PPM1K: variants seen among roughly 807,000 people sequenced by gnomAD.
PPM1K encodes the protein protein phosphatase Mn(2+)-dependent 1K.
PPM1K carries 19 observed loss-of-function variants against 32.6 expected under a neutral mutation model. The observed-to-expected ratio is 0.58, with a 90% CI of 0.41 to 0.86. The LOEUF is 0.86. Ranked by LOEUF, PPM1K falls within the 40% of genes least tolerant of loss-of-function variation. The pLI is 0.00. For synonymous variants in PPM1K, 159 were observed against 165.3 expected (o/e 0.96, Z 0.29); for missense variants, 362 against 461.2 (o/e 0.78, Z 1.97).
chr4:88,277,118 C>A (rs1273395131), intron 3 of PPM1K, 25 bp downstream of exon 3: 1 of 1,567,122 alleles, frequency 6.4e-7, no homozygotes, highest in Non-Finnish European at 8.8e-7. Context: ...CCCTAGGATC[C>A]AAGGAATGTG....
At chr4:88,271,113 GA>G in intron 3 of PPM1K, 1 of 518,632 alleles carries the variant, frequency 1.9e-6, no homozygotes, top group Non-Finnish European at 3.9e-6. Flanking sequence ...AAATTAAGCA[GA>G]TCTCTCTTTC....
At chr4:88,265,902 T>C (rs993985947) in intron 5 of PPM1K, among the ~76,000 whole-genome samples, 2 of 152,200 alleles carry the variant, frequency 1.3e-5, no homozygotes, top group African/African-American at 4.8e-5. Flanking sequence ...TGGTTATGAG[T>C]GCTGTCTCTA....
chr4:88,263,517 C>A (rs1005653419), intron 6 of PPM1K, among the ~76,000 whole-genome samples: 51 of 152,180 alleles, frequency 3.4e-4, no homozygotes, highest in African/African-American at 1.1e-3. Context: ...CGGCTCACTG[C>A]AGCCTTGACC....
In PPM1K at chr4:88,265,130, A is replaced by C. The variant is rs141441221; in HGVS notation, c.858T>G (p.His286Gln). 1.2e-4 allele frequency: 191 copies of C among 1,614,192 alleles called. No homozygotes were observed. The African/African-American group carries it at 2.4e-3, about 20-fold the overall frequency. ...GGACCAGGAAGCTGTCATCAGCATG[A>C]TGTAACTGCAATCAGAACCAAATGC... ...AEPETKRIKL[H>Q]HADDSFLVLT... Residue 286 changes from histidine to glutamine, a missense_variant, in exon 6 of 7, where the codon CAT (histidine) becomes CAG (glutamine). By Grantham distance (24) the His-to-Gln change is conservative (BLOSUM62 0). Transcript: ENST00000608933.
At chr4:88,283,204 A>T (rs1178799297) in intron 1 of PPM1K, among the ~76,000 whole-genome samples, 1 of 152,006 alleles carries the variant, frequency 6.6e-6, no homozygotes, top group African/African-American at 2.4e-5. Context: ...AGCCTCGACC[A>T]CTCAGGATCA....
intron 3 of PPM1K, chr4:88,276,396 T>G: frequency 3.0e-6 from 3 of 985,444 alleles, no homozygotes; most frequent in Non-Finnish European, 3.6e-6. Context: ...TTTTCAGGGT[T>G]AACTTTAACA....
chr4:88,278,685 A>G lies in PPM1K; in HGVS notation c.-59-43T>C. 1.1e-6 allele frequency: 1 copy of G among 907,476 alleles called. No individual in the cohort carries two copies. Among genetic ancestry groups the G allele is most frequent in the Non-Finnish European group, 1.7e-6 (1 of 604,886 alleles). The allele number at this position is 907,476 out of a possible 1,614,324, so 56.2% of individuals were successfully genotyped here. A position where few individuals can be genotyped will look rare whatever the true frequency, so the allele number is the denominator to read the frequency against. On this transcript the variant is annotated intron_variant, in intron 1 of 6. Coordinates refer to ENST00000608933, the MANE Select transcript of PPM1K (RefSeq NM_152542.5). The surrounding 1 kb of genome is among the most constrained non-coding windows in gnomAD (Gnocchi z 4.2). ...CAAGTCACAGGGGACAGAGGGAGAG[A>G]GGGGCAGAGGAGGAGAGGGAGAGAG...
At position 88,268,294 on chromosome 4, in the gene PPM1K, C is replaced by G; in HGVS notation, c.748G>C (p.Gly250Arg). The G allele has an allele frequency of 1.2e-6, 2 of 1,614,034 alleles. No individual in the cohort carries two copies. The highest frequency in any genetic ancestry group is 1.7e-6 in the Non-Finnish European group (2 of 1,179,980). The change falls in exon 5 of 7, where the codon GGG (glycine) becomes CGG (arginine). Residue 250 changes from glycine (G) to arginine (R), a missense_variant. By Grantham distance (125) the Gly-to-Arg change is moderately radical (BLOSUM62 -2). Transcript: ENST00000608933. ...CGGFVAWNSL[G>R]QPHVNGRLAM... Reference sequence around the variant, plus strand: ...AGCCTGCCATTTACGTGAGGCTGCCCCAAACTATTCCAAGCTACAAAACCA... The same window carrying G: ...AGCCTGCCATTTACGTGAGGCTGCCGCAAACTATTCCAAGCTACAAAACCA...
At chr4:88,265,575 A>C (rs965718733) in intron 5 of PPM1K, among the ~76,000 whole-genome samples, 2 of 152,234 alleles carry the variant, frequency 1.3e-5, no homozygotes, top group African/African-American at 4.8e-5. Context: ...CCCAGTCTCA[A>C]GTATATCTTT....
rs1731077658 is a variant in PPM1K, at chr4:88,260,516, C to T, written c.*2079G>A. Reference sequence around the variant, plus strand: ...CTTTAGTTGCCTCCCTTTGGTTCCTCACCTCTCAGACAACAAACAGAATGT... The same window carrying T: ...CTTTAGTTGCCTCCCTTTGGTTCCTTACCTCTCAGACAACAAACAGAATGT... On this transcript the variant is annotated 3_prime_UTR_variant, in exon 7 of 7. Coordinates refer to ENST00000608933, the MANE Select transcript of PPM1K (RefSeq NM_152542.5). 1 of 152,068 alleles carries T rather than the reference C, an allele frequency of 6.6e-6. No individual in the cohort carries two copies. The highest frequency in any genetic ancestry group is 2.1e-4 in the South Asian group (1 of 4,822). 9.4% of individuals were successfully genotyped at this position (152,068 alleles called of 1,614,324 possible). A position where few individuals can be genotyped will look rare whatever the true frequency, so the allele number is the denominator to read the frequency against.
Position 88,260,067 on chromosome 4 carries a change from C to T in PPM1K, c.*2528G>A, listed in dbSNP as rs566112698. 3 of 152,202 alleles carry T rather than the reference C, an allele frequency of 2.0e-5. No individual in the cohort carries two copies. The highest frequency in any genetic ancestry group is 4.4e-5 in the Non-Finnish European group (3 of 67,996). The allele number at this position is 152,202 out of a possible 1,614,324, so 9.4% of individuals were successfully genotyped here. On this transcript the variant is annotated 3_prime_UTR_variant, in exon 7 of 7. Transcript: ENST00000608933. ...CCTGCATATTTGTTTATTTATTTATCTGAGATGGAGTTTTTGCTCTGCTGT... is the reference window on the plus strand; with the variant it reads ...CCTGCATATTTGTTTATTTATTTATTTGAGATGGAGTTTTTGCTCTGCTGT...
chr4:88,267,702 C>T (rs1345775495), intron 5 of PPM1K, among the ~76,000 whole-genome samples: 1 of 152,230 alleles, frequency 6.6e-6, no homozygotes, highest in Non-Finnish European at 1.5e-5. Context: ...CCAGAGAAAT[C>T]TGGGAACAGG....
intron 1 of PPM1K, among the ~76,000 whole-genome samples, chr4:88,282,275 C>G (rs1312577367): frequency 1.3e-5 from 2 of 152,190 alleles, no homozygotes; most frequent in Admixed American, 1.3e-4. Context: ...TTGAGTTAAA[C>G]TGTTCTTGTA....
At position 88,281,956 on chromosome 4, in the gene PPM1K, A is replaced by G. The variant is rs535035103; in HGVS notation, c.-60+2450T>C. Among the ~76,000 whole-genome samples, 32 of 152,284 alleles carry G rather than the reference A, an allele frequency of 2.1e-4. No homozygotes were observed. The South Asian group carries it at 6.6e-3, about 32-fold the overall frequency. ...GGGAGTAGAACTTGTGATGTGAAAA[A>G]CAAAAACCTTAAGGAAAAAAAAAAA... On this transcript the variant is annotated intron_variant, in intron 1 of 6. Coordinates refer to ENST00000608933, the MANE Select transcript of PPM1K (RefSeq NM_152542.5).
chr4:88,274,748 T>C (rs1177653959), intron 3 of PPM1K, among the ~76,000 whole-genome samples: 1 of 152,188 alleles, frequency 6.6e-6, no homozygotes, highest in Non-Finnish European at 1.5e-5. Flanking sequence ...ATCCATAAAC[T>C]GAACAGTTAC....
chr4:88,277,569 T>A, intron 2 of PPM1K: 1 of 229,248 alleles, frequency 4.4e-6, no homozygotes, highest in Non-Finnish European at 8.5e-6. Context: ...CAAGAAATGG[T>A]CACTGGGAAG....
At chr4:88,269,549 C>T (rs1207035204) in intron 3 of PPM1K, among the ~76,000 whole-genome samples, 2 of 152,134 alleles carry the variant, frequency 1.3e-5, no homozygotes, top group African/African-American at 4.8e-5. Context: ...TTTGTCCTCC[C>T]TAGACGTGAA....
intron 4 of PPM1K, 70 bp from the exon 5 acceptor site, chr4:88,268,404 C>G (rs137884075): frequency 1.3e-6 from 2 of 1,553,788 alleles, no homozygotes; most frequent in East Asian, 2.3e-5. Flanking sequence ...GGGCAGATCA[C>G]GAGGTCAGGA....
In PPM1K at chr4:88,262,692, G is replaced by A; in HGVS notation, c.1022C>T (p.Ala341Val). Reference sequence around the variant, plus strand: ...CCAGGCACCAAAAGGCACTACTACTGCAGTACTGTTATCCTCAGTACCGTA... The same window carrying A: ...CCAGGCACCAAAAGGCACTACTACTACAGTACTGTTATCCTCAGTACCGTA... ...IQYGTEDNST[A>V]VVVPFGAWGK... Residue 341 changes from alanine (A) to valine (V), a missense_variant, in exon 7 of 7, where the codon GCA becomes GTA. Ala to Val is a moderately conservative substitution (Grantham distance 64, BLOSUM62 0). Transcript: ENST00000608933. 6.2e-7 allele frequency: 1 copy of A among 1,613,980 alleles called. No individual in the cohort carries two copies. The highest frequency in any genetic ancestry group is 8.5e-7 in the Non-Finnish European group (1 of 1,179,900).
Sources: gnomAD v4.1 joint callset for allele counts (sites outside exome capture counted in the v4.1 genomes callset) on GRCh38, gnomAD v4.1.1 for gene constraint, Gnocchi (gnomAD v3.1) non-coding constraint, MANE v1.5 for transcripts, NCBI Gene and HGNC (gene_info 2026-07-23, HGNC 2026-07-21) for gene names.